Variants in ZCCHC10 observed in about 807,000 individuals in gnomAD.
ZCCHC10 encodes zinc finger CCHC domain-containing protein 10.
Under a neutral mutation model 19.5 loss-of-function variants are expected in ZCCHC10, and 16 were observed. The observed-to-expected ratio is 0.82, with a 90% CI of 0.56 to 1.25. ZCCHC10 has a LOEUF of 1.25. ZCCHC10 is among the 50% of genes most tolerant of loss of function. ZCCHC10 has a pLI of 0.00. For missense variants in ZCCHC10, 197 were observed against 201.0 expected (o/e 0.98, Z 0.12); for synonymous variants, 67 against 72.5 (o/e 0.92, Z 0.38).
At chr5:133,024,960 T>C (rs1454350764) in intron 1 of ZCCHC10, among the ~76,000 whole-genome samples, 1 of 152,076 alleles carries the variant, frequency 6.6e-6, no homozygotes, top group South Asian at 2.1e-4. Flanking sequence ...CCAAGCTTAC[T>C]ACTCTAACTC....
chr5:133,024,975 A>G (rs1010177906), intron 1 of ZCCHC10, among the ~76,000 whole-genome samples: 1 of 152,150 alleles, frequency 6.6e-6, no homozygotes. Context: ...TAACTCCCTA[A>G]GTCTGTCTGT....
intron 2 of ZCCHC10, among the ~76,000 whole-genome samples, chr5:133,009,293 G>A (rs1763340431): frequency 6.6e-6 from 1 of 151,878 alleles, no homozygotes; most frequent in Admixed American, 6.6e-5. Context: ...ATGAGCCACT[G>A]CACCCTGCCT....
chr5:133,008,574 G>A (rs1331030791), intron 2 of ZCCHC10, among the ~76,000 whole-genome samples: 1 of 150,076 alleles, frequency 6.7e-6, no homozygotes, highest in Non-Finnish European at 1.5e-5. Context: ...TCAACAAGGG[G>A]GTCAAGCTGA....
At chr5:133,019,869 T>C (rs2126643500) in intron 2 of ZCCHC10, among the ~76,000 whole-genome samples, 1 of 151,798 alleles carries the variant, frequency 6.6e-6, no homozygotes, top group South Asian at 2.1e-4. Context: ...GGAGAATTGC[T>C]TGAATCCCAG....
At chr5:133,002,159 C>T (rs1762820411) in intron 3 of ZCCHC10, among the ~76,000 whole-genome samples, 1 of 151,378 alleles carries the variant, frequency 6.6e-6, no homozygotes. Flanking sequence ...GACAGGGTTT[C>T]ACCATGTTAG....
chr5:133,009,204 T>C (rs1581396021), intron 2 of ZCCHC10, among the ~76,000 whole-genome samples: 1 of 151,938 alleles, frequency 6.6e-6, no homozygotes, highest in Admixed American at 6.6e-5. Flanking sequence ...GGTTTTGCCA[T>C]GTTGGCCAGG....
chr5:133,011,939 G>A (rs888455918), intron 2 of ZCCHC10, among the ~76,000 whole-genome samples: 1 of 151,830 alleles, frequency 6.6e-6, no homozygotes, highest in Non-Finnish European at 1.5e-5. Context: ...AGACCAGTGT[G>A]GGCAACATGG....
chr5:133,000,490 C>A (rs1762698607), intron 3 of ZCCHC10, among the ~76,000 whole-genome samples: 1 of 152,166 alleles, frequency 6.6e-6, no homozygotes, highest in Non-Finnish European at 1.5e-5. Context: ...AGCTGTATCA[C>A]TACCTCCTGA....
chr5:133,021,618 ACT>A (rs1764315423), intron 2 of ZCCHC10, among the ~76,000 whole-genome samples: 1 of 152,140 alleles, frequency 6.6e-6, no homozygotes, highest in Non-Finnish European at 1.5e-5. Context: ...AGTCAAAATA[ACT>A]CTGAAAAAGA....
At chr5:133,024,912 C>A (rs1764568782) in intron 1 of ZCCHC10, among the ~76,000 whole-genome samples, 1 of 150,584 alleles carries the variant, frequency 6.6e-6, no homozygotes. Flanking sequence ...AAAAAAAAAA[C>A]AAAAAAAACC....
intron 3 of ZCCHC10, among the ~76,000 whole-genome samples, chr5:133,001,823 TC>T (rs1295498780): frequency 3.3e-5 from 5 of 152,044 alleles, no homozygotes; most frequent in Non-Finnish European, 2.9e-5. Flanking sequence ...TTCCTGAGTC[TC>T]CAAACATAAA....
At chr5:133,013,349 A>G (rs1763698506) in intron 2 of ZCCHC10, among the ~76,000 whole-genome samples, 1 of 152,022 alleles carries the variant, frequency 6.6e-6, no homozygotes, top group Non-Finnish European at 1.5e-5. Flanking sequence ...AAAGCAAATT[A>G]AAACCCCAAC....
chr5:133,021,456 C>T (rs934660066), intron 2 of ZCCHC10, among the ~76,000 whole-genome samples: 1 of 152,090 alleles, frequency 6.6e-6, no homozygotes, highest in African/African-American at 2.4e-5. Context: ...AAATAAATGG[C>T]GAGATATACA....
At chr5:133,017,829 C>T (rs1015223408) in intron 2 of ZCCHC10, among the ~76,000 whole-genome samples, 2 of 152,062 alleles carry the variant, frequency 1.3e-5, no homozygotes, top group East Asian at 1.9e-4. Context: ...CCAAATTGAA[C>T]GATTGAACGA....
intron 1 of ZCCHC10, among the ~76,000 whole-genome samples, chr5:133,025,845 G>A (rs1237598081): frequency 1.3e-5 from 2 of 152,112 alleles, no homozygotes; most frequent in Non-Finnish European, 2.9e-5. Flanking sequence ...ATCACCAGCT[G>A]TATTTACAAT....
chr5:133,000,884 G>A (rs1006385873), intron 3 of ZCCHC10, among the ~76,000 whole-genome samples: 22 of 150,924 alleles, frequency 1.5e-4, no homozygotes, highest in Non-Finnish European at 2.8e-4. Context: ...CTCATGATCC[G>A]CCCACCTTGG....
At chr5:133,007,490 C>T (rs1763197935) in intron 2 of ZCCHC10, among the ~76,000 whole-genome samples, 2 of 151,740 alleles carry the variant, frequency 1.3e-5, no homozygotes, top group Admixed American at 6.6e-5. Flanking sequence ...TTGCAGTGAG[C>T]CAAGGTTGCA....
At position 132,997,225 on chromosome 5, in the gene ZCCHC10, T is replaced by A. The variant is rs1762489971; in HGVS notation, c.*1358A>T. The A allele has an allele frequency of 6.6e-6, 1 of 152,256 alleles. No individual in the cohort carries two copies. Among genetic ancestry groups the A allele is most frequent in the Admixed American group, 6.5e-5 (1 of 15,274 alleles). 9.4% of individuals were successfully genotyped at this position (152,256 alleles called of 1,614,324 possible). A position where few individuals can be genotyped will look rare whatever the true frequency, so the allele number is the denominator to read the frequency against. On this transcript the variant is annotated 3_prime_UTR_variant, in exon 5 of 5. Transcript: ENST00000509437. ...TACAACCATTGAACACAGATGGTTT[T>A]GTAAAACTGACAATTACAGGCTCCT...
chr5:133,023,046 G>C (rs1005305492), intron 1 of ZCCHC10, 140 bp from the exon 2 acceptor site: 1 of 397,078 alleles, frequency 2.5e-6, no homozygotes, highest in East Asian at 3.7e-5. Flanking sequence ...TCATAGCAAG[G>C]TTCAAAAACA....
Sources: allele counts gnomAD v4.1 joint callset (sites outside exome capture counted in the v4.1 genomes callset), GRCh38; gene constraint gnomAD v4.1.1; transcripts MANE v1.5; gene names NCBI Gene and HGNC (gene_info 2026-07-23, HGNC 2026-07-21).